The following GPC6 variants were observed in gnomAD, a reference collection of about 807,000 sequenced individuals.
GPC6 encodes glypican-6.
GPC6 carries 14 observed loss-of-function variants against 55.2 expected under a neutral mutation model. That is an observed-to-expected ratio of 0.25 (90% CI 0.17 to 0.40). The LOEUF (loss-of-function observed/expected upper bound fraction) is 0.40. Among genes scored for constraint, GPC6 ranks in the 10% least tolerant of loss-of-function variants. The pLI is 1.00. For synonymous variants in GPC6, 278 were observed against 259.6 expected (o/e 1.07, Z -0.68); for missense variants, 641 against 708.5 (o/e 0.90, Z 1.08).
chr13:93,793,962 G>T (rs1886124291), intron 2 of GPC6, among the ~76,000 whole-genome samples: 1 of 152,048 alleles, frequency 6.6e-6, no homozygotes, highest in Non-Finnish European at 1.5e-5. Context: ...TAATGTTTTT[G>T]TCTCTATTAA....
At chr13:94,372,200 G>A (rs36091803) in intron 6 of GPC6, among the ~76,000 whole-genome samples, 3 of 152,068 alleles carry the variant, frequency 2.0e-5, no homozygotes, top group Non-Finnish European at 4.4e-5. Flanking sequence ...CTCATCACTG[G>A]GGGGAGGAGC....
At chr13:94,258,614 G>C (rs1316274097) in intron 4 of GPC6, among the ~76,000 whole-genome samples, 17 of 152,166 alleles carry the variant, frequency 1.1e-4, no homozygotes, top group Non-Finnish European at 2.5e-4. Flanking sequence ...TGTTAGGATA[G>C]AGGTATCTTC....
At chr13:94,208,475 A>C (rs530410014) in intron 4 of GPC6, among the ~76,000 whole-genome samples, 2 of 152,244 alleles carry the variant, frequency 1.3e-5, no homozygotes, top group African/African-American at 4.8e-5. Context: ...ATGATATTTG[A>C]TGTACGTCTT....
chr13:94,097,094 A>G (rs1885687967), intron 4 of GPC6, among the ~76,000 whole-genome samples: 1 of 151,910 alleles, frequency 6.6e-6, no homozygotes, highest in South Asian at 2.1e-4. Flanking sequence ...TAAGTGCTCA[A>G]GTTTATCTAG....
the GPC6 span, among the ~76,000 whole-genome samples, chr13:93,220,631 C>T: frequency 2.0e-5 from 3 of 152,094 alleles, no homozygotes; most frequent in Admixed American, 1.3e-4. Context: ...GCCTTCAAGT[C>T]AAAATGAAAC....
intron 1 of GPC6, among the ~76,000 whole-genome samples, chr13:93,514,030 C>T (rs1190956532): frequency 2.6e-5 from 4 of 151,886 alleles, no homozygotes; most frequent in East Asian, 1.9e-4. Context: ...CCCACCACCA[C>T]GCCCAGCTAA....
intron 4 of GPC6, among the ~76,000 whole-genome samples, chr13:94,093,152 C>T (rs1203613114): frequency 6.6e-6 from 1 of 151,744 alleles, no homozygotes; most frequent in Non-Finnish European, 1.5e-5. Flanking sequence ...CTTTTGTTTC[C>T]TCATCTTTTG....
chr13:93,840,829 G>A (rs886224462), intron 3 of GPC6, among the ~76,000 whole-genome samples: 4 of 152,092 alleles, frequency 2.6e-5, no homozygotes, highest in Non-Finnish European at 5.9e-5. Context: ...TTAAAGTACA[G>A]CACAAATAAA....
chr13:94,329,692 A>T (rs1877309636), intron 6 of GPC6, among the ~76,000 whole-genome samples: 1 of 152,196 alleles, frequency 6.6e-6, no homozygotes, highest in African/African-American at 2.4e-5. Flanking sequence ...GAATGGGTTT[A>T]GGAGATTCAG....
In GPC6 at chr13:94,188,914, C is replaced by T. The variant is rs532250243; in HGVS notation, c.878-97435C>T. Among the ~76,000 whole-genome samples the T allele has an allele frequency of 2.0e-5, 3 of 152,288 alleles. No individual in the cohort carries two copies. In the East Asian group the frequency reaches 5.8e-4, roughly 29 times the overall value. ...GTCTGACTCCAAATCCATCCTCTCT[C>T]CCCTCAATCGTATAGTTGCTTTATT... On this transcript the variant is annotated intron_variant, in intron 4 of 8. Transcript: ENST00000377047.
intron 3 of GPC6, among the ~76,000 whole-genome samples, chr13:93,880,033 T>C (rs1373007083): frequency 1.3e-5 from 2 of 151,378 alleles, no homozygotes; most frequent in East Asian, 2.0e-4. Flanking sequence ...TCACAGCAGT[T>C]AGAATGGCAA....
At chr13:93,361,169 G>A (rs1013843018) in intron 1 of GPC6, among the ~76,000 whole-genome samples, 2 of 152,056 alleles carry the variant, frequency 1.3e-5, no homozygotes, top group African/African-American at 2.4e-5. Flanking sequence ...TCACAGTTCA[G>A]ACCTTATGGA....
At chr13:93,524,977 T>C (rs1881592068) in intron 1 of GPC6, among the ~76,000 whole-genome samples, 1 of 152,066 alleles carries the variant, frequency 6.6e-6, no homozygotes, top group South Asian at 2.1e-4. Context: ...ACTATTTTGT[T>C]GTAAATGGTC....
chr13:94,356,980 A>G (rs1878829674), intron 6 of GPC6, among the ~76,000 whole-genome samples: 1 of 152,192 alleles, frequency 6.6e-6, no homozygotes, highest in East Asian at 1.9e-4. Context: ...AGAATCCATG[A>G]TTGATAGATG....
chr13:94,304,482 C>T (rs1463616183), intron 5 of GPC6, among the ~76,000 whole-genome samples: 3 of 152,078 alleles, frequency 2.0e-5, no homozygotes, highest in Admixed American at 6.5e-5. Flanking sequence ...GAATGCGTTG[C>T]AAGTATACTA....
intron 3 of GPC6, among the ~76,000 whole-genome samples, chr13:93,969,260 CA>C (rs1880182508): frequency 6.6e-6 from 1 of 152,100 alleles, no homozygotes; most frequent in African/African-American, 2.4e-5. Context: ...TTCAGTTCAG[CA>C]TAGAAAAATA....
chr13:93,875,763 G>A (rs1889273923), intron 3 of GPC6, among the ~76,000 whole-genome samples: 1 of 151,998 alleles, frequency 6.6e-6, no homozygotes, highest in Non-Finnish European at 1.5e-5. Flanking sequence ...TCTGCCTCCT[G>A]CCAGTAATGA....
At chr13:94,064,876 A>T (rs1368997744) in intron 4 of GPC6, among the ~76,000 whole-genome samples, 1 of 152,160 alleles carries the variant, frequency 6.6e-6, no homozygotes, top group Non-Finnish European at 1.5e-5. Flanking sequence ...TACTCTTGGT[A>T]TCTTCTCAAA....
chr13:93,678,909 G>C (rs970931881), intron 2 of GPC6, among the ~76,000 whole-genome samples: 4 of 152,076 alleles, frequency 2.6e-5, no homozygotes, highest in Non-Finnish European at 5.9e-5. Flanking sequence ...GGCTTGATTG[G>C]ACCAATTTCA....
Sources: allele counts gnomAD v4.1 joint callset (sites outside exome capture counted in the v4.1 genomes callset), GRCh38; gene constraint gnomAD v4.1.1; transcripts MANE v1.5; gene names NCBI Gene and HGNC (gene_info 2026-07-23, HGNC 2026-07-21).